Variants in ISY1 observed in about 807,000 individuals in gnomAD.
ISY1 encodes ISY1 spliceosome associated protein.
In ISY1, 12 loss-of-function variants were observed where a neutral mutation model predicts 54.4. That is an observed-to-expected ratio of 0.22 (90% CI 0.14 to 0.36). The LOEUF (loss-of-function observed/expected upper bound fraction) is 0.36, where lower values mean the gene tolerates loss of function less well. Among genes scored for constraint, ISY1 ranks in the 10% least tolerant of loss-of-function variants. ISY1 has a pLI of 1.00. For synonymous variants in ISY1, 96 were observed against 117.9 expected (o/e 0.81, Z 1.20); for missense variants, 282 against 342.2 (o/e 0.82, Z 1.39).
chr3:129,138,703 T>C (rs1377061870), intron 7 of ISY1, among the ~76,000 whole-genome samples: 14 of 150,874 alleles, frequency 9.3e-5, no homozygotes, highest in Admixed American at 7.9e-4. Context: ...TAGTCCCAGC[T>C]ACTTGGGAGG....
chr3:129,160,367 A>G (rs1230574218), intron 1 of ISY1, among the ~76,000 whole-genome samples: 1 of 152,048 alleles, frequency 6.6e-6, no homozygotes, highest in Non-Finnish European at 1.5e-5. Flanking sequence ...TCTTAAATTT[A>G]CACGTCGTAA....
At chr3:129,143,601 T>G (rs1936686396) in intron 6 of ISY1, among the ~76,000 whole-genome samples, 1 of 151,370 alleles carries the variant, frequency 6.6e-6, no homozygotes, top group African/African-American at 2.4e-5. Flanking sequence ...CCTTGTACAG[T>G]TTAGAGAATA....
intron 3 of ISY1, 120 bp downstream of exon 3, chr3:129,158,388 G>A (rs1937208164): frequency 7.3e-7 from 1 of 1,376,236 alleles, no homozygotes; most frequent in African/African-American, 1.4e-5. Context: ...CAAACTCCTA[G>A]ACTCAAGTGA....
intron 9 of ISY1, among the ~76,000 whole-genome samples, chr3:129,133,554 C>T (rs933776382): frequency 1.3e-5 from 2 of 152,126 alleles, no homozygotes; most frequent in Non-Finnish European, 2.9e-5. Context: ...ATTAGCCATG[C>T]GTGGTGGCAC....
chr3:129,154,624 C>T (rs1226975816), intron 5 of ISY1, among the ~76,000 whole-genome samples: 2 of 151,250 alleles, frequency 1.3e-5, no homozygotes, highest in East Asian at 3.9e-4. Context: ...AATTTGGTTC[C>T]TAATATTCTT....
At chr3:129,138,563 G>A (rs1372428331) in intron 7 of ISY1, among the ~76,000 whole-genome samples, 2 of 151,984 alleles carry the variant, frequency 1.3e-5, no homozygotes, top group East Asian at 3.9e-4. Flanking sequence ...AGAATGGTGT[G>A]AACCCAGGAG....
intron 3 of ISY1, 55 bp downstream of exon 3, chr3:129,158,453 C>T: frequency 6.2e-7 from 1 of 1,608,128 alleles, no homozygotes; most frequent in Non-Finnish European, 8.5e-7. Context: ...GCCACTGCAC[C>T]CAGCCTGCAT....
chr3:129,140,325 A>G (rs761669405), intron 7 of ISY1, 43 bp downstream of exon 7: 1 of 1,553,608 alleles, frequency 6.4e-7, no homozygotes. Context: ...TACTCTTATG[A>G]TTATTACCAA....
intron 5 of ISY1, among the ~76,000 whole-genome samples, chr3:129,149,307 T>C (rs565963012): frequency 6.6e-6 from 1 of 151,078 alleles, no homozygotes; most frequent in African/African-American, 2.4e-5. Context: ...CACATGCATG[T>C]AATCCCAGCT....
intron 9 of ISY1, among the ~76,000 whole-genome samples, chr3:129,131,725 T>C (rs1307159354): frequency 1.3e-5 from 2 of 152,234 alleles, no homozygotes; most frequent in Non-Finnish European, 2.9e-5. Context: ...ACTCACAGCA[T>C]GATCCCATTT....
chr3:129,131,950 C>A (rs528778524), intron 9 of ISY1, among the ~76,000 whole-genome samples: 59 of 152,272 alleles, frequency 3.9e-4, no homozygotes, highest in Admixed American at 6.5e-4. Flanking sequence ...ACACCTCAGC[C>A]TCCTGAGTAG....
intron 5 of ISY1, among the ~76,000 whole-genome samples, chr3:129,146,398 T>C (rs1936766146): frequency 6.6e-6 from 1 of 152,190 alleles, no homozygotes; most frequent in Non-Finnish European, 1.5e-5. Context: ...AATTTCACTG[T>C]GGTGCAGCTG....
intron 6 of ISY1, chr3:129,144,222 T>C (rs1247331428): frequency 2.8e-6 from 1 of 362,142 alleles, no homozygotes; most frequent in Non-Finnish European, 5.4e-6. Context: ...AAGATTGGCA[T>C]ATAAAAATAA....
chr3:129,135,513 C>G (rs527763045), intron 7 of ISY1, among the ~76,000 whole-genome samples: 3 of 152,124 alleles, frequency 2.0e-5, no homozygotes, highest in Non-Finnish European at 4.4e-5. Context: ...TGCCTGTAAT[C>G]CCAGCACTTT....
At chr3:129,131,543 A>ATG (rs1057435279) in intron 9 of ISY1, among the ~76,000 whole-genome samples, 15 of 152,116 alleles carry the variant, frequency 9.9e-5, no homozygotes, top group African/African-American at 3.4e-4. Context: ...GGTATTTGCT[A>ATG]TGTGTGTGTG....
At chr3:129,133,878 G>A (rs929850229) in intron 9 of ISY1, among the ~76,000 whole-genome samples, 196 bp downstream of exon 9, 3 of 152,178 alleles carry the variant, frequency 2.0e-5, no homozygotes, top group Non-Finnish European at 1.5e-5. Flanking sequence ...GTAAAGCACG[G>A]CCGGCAGGGC....
At chr3:129,159,422 A>T (rs1165780193) in intron 1 of ISY1, among the ~76,000 whole-genome samples, 1 of 152,028 alleles carries the variant, frequency 6.6e-6, no homozygotes, top group East Asian at 1.9e-4. Context: ...AACTTGCATT[A>T]TTCTTCCTTC....
At chr3:129,138,085 G>A (rs1399648355) in intron 7 of ISY1, among the ~76,000 whole-genome samples, 4 of 146,696 alleles carry the variant, frequency 2.7e-5, no homozygotes, top group Non-Finnish European at 6.0e-5. Flanking sequence ...GACCATCCTG[G>A]TTAACATGGT....
At chr3:129,152,340 T>C (rs1297159213) in intron 5 of ISY1, among the ~76,000 whole-genome samples, 6 of 152,246 alleles carry the variant, frequency 3.9e-5, no homozygotes, top group Non-Finnish European at 8.8e-5. Context: ...ATGCTGAATC[T>C]ACTATGTTTT....
Sources: allele counts gnomAD v4.1 joint callset (sites outside exome capture counted in the v4.1 genomes callset), GRCh38; gene constraint gnomAD v4.1.1; transcripts MANE v1.5; gene names NCBI Gene and HGNC (gene_info 2026-07-23, HGNC 2026-07-21).